PTER: variants seen among roughly 807,000 people sequenced by gnomAD.
PTER encodes the protein phosphotriesterase related, also known as N-acetyltaurine hydrolase.
In PTER, 38 loss-of-function variants were observed where a neutral mutation model predicts 29.6. The observed-to-expected ratio is 1.28, with a 90% confidence interval of 0.99 to 1.68. The LOEUF (loss-of-function observed/expected upper bound fraction) is 1.68, where lower values mean the gene tolerates loss of function less well. PTER is among the 40% of genes most tolerant of loss of function. PTER has a pLI of 0.00. For synonymous variants in PTER, 172 were observed against 154.5 expected (o/e 1.11, Z -0.84); for missense variants, 482 against 427.8 (o/e 1.13, Z -1.12).
intron 1 of PTER, among the ~76,000 whole-genome samples, chr10:16,477,713 T>G (rs151040658): frequency 1.3e-5 from 2 of 152,316 alleles, no homozygotes; most frequent in African/African-American, 2.4e-5. Flanking sequence ...TTCTTACCTC[T>G]GAACCCATCA....
rs117273900 is a variant in PTER at position 16,459,102 on chromosome 10, C to T, written c.-49+22055C>T. ...GGGTATTTTCTTTCAGACTATTCTC[C>T]ATGCATAGTATCAATGTATTTTTCT... On this transcript the variant is annotated intron_variant, in intron 1 of 4. Transcript: ENST00000535784. 2.0e-5 allele frequency among the ~76,000 whole-genome samples: 3 copies of T among 152,282 alleles called. No individual in the cohort carries two copies. The East Asian group carries it at 5.8e-4, about 29-fold the overall frequency.
At chr10:16,494,049 T>TA (rs1304598712) in intron 3 of PTER, among the ~76,000 whole-genome samples, 6 of 152,154 alleles carry the variant, frequency 3.9e-5, no homozygotes, top group African/African-American at 1.4e-4. Flanking sequence ...TGTGACATTT[T>TA]AACAAATAGG....
At chr10:16,451,784 C>T (rs1834218968) in intron 1 of PTER, among the ~76,000 whole-genome samples, 1 of 152,088 alleles carries the variant, frequency 6.6e-6, no homozygotes, top group Non-Finnish European at 1.5e-5. Context: ...GTCTATATAT[C>T]TGATGTGTTG....
chr10:16,454,829 TAATA>T (rs1834337153), intron 1 of PTER, among the ~76,000 whole-genome samples: 1 of 151,868 alleles, frequency 6.6e-6, no homozygotes, highest in Non-Finnish European at 1.5e-5. Context: ...AATAAACTGA[TAATA>T]AGTACTATAT....
At chr10:16,482,179 A>C (rs540286745) in intron 1 of PTER, among the ~76,000 whole-genome samples, 2 of 152,330 alleles carry the variant, frequency 1.3e-5, no homozygotes, top group Non-Finnish European at 1.5e-5. Context: ...TAAATCCATC[A>C]TTTATGCCTT....
chr10:16,457,060 G>A (rs1834428676), intron 1 of PTER, among the ~76,000 whole-genome samples: 1 of 152,152 alleles, frequency 6.6e-6, no homozygotes, highest in African/African-American at 2.4e-5. Context: ...TCTCGGTTAT[G>A]TCTTTATCAG....
At chr10:16,462,489 G>A (rs1014186979) in intron 1 of PTER, among the ~76,000 whole-genome samples, 21 of 151,854 alleles carry the variant, frequency 1.4e-4, no homozygotes, top group African/African-American at 1.2e-4. Context: ...GTAGAACCAA[G>A]AGTTAAGACT....
chr10:16,482,915 A>G (rs931679462), intron 1 of PTER, among the ~76,000 whole-genome samples: 1 of 151,914 alleles, frequency 6.6e-6, no homozygotes, highest in Admixed American at 6.6e-5. Flanking sequence ...CCAAGTAGCT[A>G]GGATTACAGG....
chr10:16,488,335 T>G (rs1835778448), intron 3 of PTER, among the ~76,000 whole-genome samples: 1 of 152,178 alleles, frequency 6.6e-6, no homozygotes, highest in African/African-American at 2.4e-5. Flanking sequence ...AACAATGTAT[T>G]TTATAATGTT....
At chr10:16,514,754 A>G (rs750047819), downstream of PTER, 4 of 1,488,282 alleles carry the variant, frequency 2.7e-6, no homozygotes, top group African/African-American at 5.6e-5. Flanking sequence ...AGAATTCTCA[A>G]GTTTTCTTTT....
At chr10:16,486,691 A>T in intron 3 of PTER, 74 bp downstream of exon 3, 1 of 1,467,218 alleles carries the variant, frequency 6.8e-7, no homozygotes, top group East Asian at 2.3e-5. Flanking sequence ...AATCTACAGT[A>T]ATCAGTCAAT....
At chr10:16,439,994 A>C (rs553029002) in intron 1 of PTER, among the ~76,000 whole-genome samples, 17 of 152,054 alleles carry the variant, frequency 1.1e-4, no homozygotes, top group Non-Finnish European at 1.9e-4. Context: ...TCATACATCA[A>C]ATGTGGCTTT....
At chr10:16,492,535 T>G (rs1171306712) in intron 3 of PTER, among the ~76,000 whole-genome samples, 4 of 152,194 alleles carry the variant, frequency 2.6e-5, no homozygotes, top group African/African-American at 9.6e-5. Flanking sequence ...TAATGGACTA[T>G]TAGAGTAGCT....
chr10:16,473,537 A>AAACAAACAAACAAAC (rs1564395739), intron 1 of PTER, among the ~76,000 whole-genome samples: 28 of 150,652 alleles, frequency 1.9e-4, no homozygotes, highest in African/African-American at 6.6e-4. Context: ...AAAAAAAAAA[A>AAACAAACAAACAAAC]AAAAAAAAAA....
chr10:16,461,343 T>C (rs1385994139), intron 1 of PTER, among the ~76,000 whole-genome samples: 2 of 151,788 alleles, frequency 1.3e-5, no homozygotes, highest in African/African-American at 4.8e-5. Flanking sequence ...TATAATTATA[T>C]ATACATATGA....
chr10:16,469,614 G>GTTGT (rs958069213), intron 1 of PTER, among the ~76,000 whole-genome samples: 2 of 152,172 alleles, frequency 1.3e-5, no homozygotes, highest in Admixed American at 6.6e-5. Flanking sequence ...AGTTCATTCT[G>GTTGT]TTGTTTGTTT....
intron 4 of PTER, among the ~76,000 whole-genome samples, chr10:16,510,207 G>A (rs992875964): frequency 7.2e-5 from 11 of 152,132 alleles, no homozygotes; most frequent in African/African-American, 1.2e-4. Context: ...GTCCAGACAC[G>A]TACAGATGGT....
At chr10:16,456,485 T>C (rs968335503) in intron 1 of PTER, among the ~76,000 whole-genome samples, 4 of 152,204 alleles carry the variant, frequency 2.6e-5, no homozygotes, top group Non-Finnish European at 5.9e-5. Flanking sequence ...GTTGCAACTA[T>C]GAAAAGCAAA....
chr10:16,510,975 A>G, intron 4 of PTER, 71 bp from the exon 5 acceptor site: 1 of 1,361,894 alleles, frequency 7.3e-7, no homozygotes, highest in Non-Finnish European at 1.0e-6. Context: ...TTAATGAGTA[A>G]AAAGTTGAAA....
Sources: allele counts gnomAD v4.1 joint callset (sites outside exome capture counted in the v4.1 genomes callset), GRCh38; gene constraint gnomAD v4.1.1; transcripts MANE v1.5; gene names NCBI Gene and HGNC (gene_info 2026-07-23, HGNC 2026-07-21).